The following POU2F3 variants were observed in gnomAD, a reference collection of about 807,000 sequenced individuals.
POU2F3 encodes POU class 2 homeobox 3, also known as POU domain, class 2, transcription factor 3.
Under a neutral mutation model 59.2 loss-of-function variants are expected in POU2F3, and 23 were observed. The observed-to-expected ratio is 0.39, with a 90% confidence interval of 0.28 to 0.55. The LOEUF is 0.55. POU2F3 is among the 20% of genes least tolerant of loss of function. The pLI is 0.66. For missense variants in POU2F3, 473 were observed against 544.5 expected (o/e 0.87, Z 1.31); for synonymous variants, 190 against 214.6 (o/e 0.89, Z 1.00).
At chr11:120,301,008 G>A in intron 5 of POU2F3, 1 of 455,698 alleles carries the variant, frequency 2.2e-6, no homozygotes, top group South Asian at 1.6e-5. Flanking sequence ...CTCCTGGAAT[G>A]GAAAAGGGAA....
At chr11:120,275,636 C>T (rs1410719460) in intron 3 of POU2F3, among the ~76,000 whole-genome samples, 1 of 152,130 alleles carries the variant, frequency 6.6e-6, no homozygotes, top group Non-Finnish European at 1.5e-5. Context: ...TCCCAAAAGT[C>T]CTGTGAGGCC....
At chr11:120,308,609 CT>C (rs1941563206) in intron 9 of POU2F3, among the ~76,000 whole-genome samples, 1 of 152,006 alleles carries the variant, frequency 6.6e-6, no homozygotes, top group Non-Finnish European at 1.5e-5. Flanking sequence ...TTTTAGCTTT[CT>C]CATTTTCTGC....
chr11:120,302,959 T>C (rs1941390087), intron 6 of POU2F3: 2 of 152,434 alleles, frequency 1.3e-5, no homozygotes, highest in Admixed American at 6.5e-5. Flanking sequence ...TGCAGTCTCA[T>C]GCCAAGGTGG....
At chr11:120,315,108 C>G (rs551150504) in intron 10 of POU2F3, among the ~76,000 whole-genome samples, 1 of 152,230 alleles carries the variant, frequency 6.6e-6, no homozygotes, top group Non-Finnish European at 1.5e-5. Context: ...TCAGGCAATA[C>G]ACATTGTCAG....
At chr11:120,305,247 G>A (rs1214754159) in intron 7 of POU2F3, 35 bp downstream of exon 7, 1 of 1,600,550 alleles carries the variant, frequency 6.2e-7, no homozygotes, top group Non-Finnish European at 8.5e-7. Flanking sequence ...AAGAAGTCTA[G>A]CCGAGCGGCT....
In POU2F3 at chr11:120,298,256, C is replaced by T; in HGVS notation, c.133-9C>T. 1 of 1,609,504 alleles carries T rather than the reference C, an allele frequency of 6.2e-7. No individual in the cohort carries two copies. Among genetic ancestry groups the T allele is most frequent in the Non-Finnish European group, 8.5e-7 (1 of 1,178,330 alleles). ...AGCACTGACGCTCTCCTCTTGCTTC[C>T]ACTTGCAGATTAAAACCGAAGATCT... On this transcript the variant is annotated splice_polypyrimidine_tract_variant and intron_variant, in intron 3 of 12. Coordinates refer to ENST00000543440, the MANE Select transcript of POU2F3 (RefSeq NM_014352.4).
intron 11 of POU2F3, among the ~76,000 whole-genome samples, chr11:120,316,154 G>A (rs980450471): frequency 7.2e-5 from 11 of 152,132 alleles, no homozygotes; most frequent in Non-Finnish European, 1.2e-4. Flanking sequence ...GATTACAGGC[G>A]TGAGCCACCG....
chr11:120,236,894 C>T (rs913829631), upstream of POU2F3, among the ~76,000 whole-genome samples: 1 of 152,204 alleles, frequency 6.6e-6, no homozygotes, highest in Non-Finnish European at 1.5e-5. Context: ...AGAGTAGAAA[C>T]GTCTCTGCTG....
At chr11:120,240,080 G>C (rs1289764937), upstream of POU2F3, 13 of 1,121,438 alleles carry the variant, frequency 1.2e-5, no homozygotes, top group Non-Finnish European at 1.3e-5. Flanking sequence ...GCCAGGCGCG[G>C]GGCTCCTGCC....
chr11:120,256,102 T>G (rs1364039172), intron 2 of POU2F3: 1 of 152,190 alleles, frequency 6.6e-6, no homozygotes, highest in Non-Finnish European at 1.5e-5. Flanking sequence ...AGCTCTGAGA[T>G]GCTGGGGTCT....
At chr11:120,245,049 C>G (rs1408096062) in intron 1 of POU2F3, among the ~76,000 whole-genome samples, 2 of 150,530 alleles carry the variant, frequency 1.3e-5, no homozygotes, top group Admixed American at 6.6e-5. Flanking sequence ...CCATAGAGCT[C>G]TAAGTGTTTA....
intron 3 of POU2F3, among the ~76,000 whole-genome samples, chr11:120,297,204 C>G (rs1254591657): frequency 6.6e-6 from 1 of 152,154 alleles, no homozygotes; most frequent in Non-Finnish European, 1.5e-5. Context: ...GGACACCCTC[C>G]CAAGGGACTT....
At chr11:120,246,706 C>G (rs919698748) in intron 2 of POU2F3, among the ~76,000 whole-genome samples, 189 bp downstream of exon 2, 3 of 152,160 alleles carry the variant, frequency 2.0e-5, no homozygotes, top group African/African-American at 7.2e-5. Flanking sequence ...GTAGATATTG[C>G]TCCACAGTGG....
chr11:120,239,510 G>C (rs2715890), upstream of POU2F3, among the ~76,000 whole-genome samples: 52,431 of 152,038 alleles, frequency 0.34, 12,015 homozygotes, highest in East Asian at 0.75. Context: ...GACCTGGGGC[G>C]GGAGACTGGA....
intron 2 of POU2F3, among the ~76,000 whole-genome samples, chr11:120,252,826 C>A (rs1174530653): frequency 6.6e-6 from 1 of 152,146 alleles, no homozygotes; most frequent in African/African-American, 2.4e-5. Context: ...TTCAGATGAG[C>A]CGTGAGGAGT....
rs185925330 is a variant in POU2F3 at position 120,309,589 on chromosome 11, G to A, written c.1068+3G>A. 0.022 allele frequency: 34,867 copies of A among 1,612,210 alleles called. 436 individuals are homozygous for A. The highest frequency in any genetic ancestry group is 0.025 in the Non-Finnish European group (29,719 of 1,178,398). On this transcript the variant is annotated splice_donor_region_variant and intron_variant, in intron 10 of 12. Transcript: ENST00000543440. ...CACCTGTCTACAACTCCCGGCTGGT[G>A]AGTGGCCAGGAACCAAGCTGTCTGC...
chr11:120,242,204 T>C (rs962187233), intron 1 of POU2F3, among the ~76,000 whole-genome samples: 8 of 152,206 alleles, frequency 5.3e-5, no homozygotes, highest in Non-Finnish European at 1.2e-4. Flanking sequence ...AGGGTTCCCC[T>C]TCAGTGGCAC....
chr11:120,307,473 C>T lies in POU2F3; in HGVS notation c.770-6C>T, dbSNP rs373606598. ...GAGCTTCCTCTGGTCCTTCGTGTCCCTGCAGAGTCCTCTCCGTCAGACCCC... is the reference window on the plus strand; with the variant it reads ...GAGCTTCCTCTGGTCCTTCGTGTCCTTGCAGAGTCCTCTCCGTCAGACCCC... On this transcript the variant is annotated splice_polypyrimidine_tract_variant and splice_region_variant and intron_variant, in intron 8 of 12. Transcript: ENST00000543440. The T allele has an allele frequency of 1.2e-4, 200 of 1,613,938 alleles. No individual in the cohort carries two copies. Among genetic ancestry groups the T allele is most frequent in the Admixed American group, 2.0e-4 (12 of 59,988 alleles).
Position 120,240,314 on chromosome 11 carries a change from G to T in POU2F3, c.-30G>T, listed in dbSNP as rs775815449. ...GGGGCAGAGGCGAGGGGCCTGGGGGGGCGCTGGCTTTGGCCCCGCCTGGGG... is the reference window on the plus strand; with the variant it reads ...GGGGCAGAGGCGAGGGGCCTGGGGGTGCGCTGGCTTTGGCCCCGCCTGGGG... On this transcript the variant is annotated 5_prime_UTR_variant, in exon 1 of 13. Transcript: ENST00000543440. The T allele has an allele frequency of 7.3e-7, 1 of 1,365,718 alleles. No homozygotes were observed. The highest frequency in any genetic ancestry group is 2.1e-5 in the South Asian group (1 of 47,084). The allele number at this position is 1,365,718 out of a possible 1,614,324, so 84.6% of individuals were successfully genotyped here.
Sources: gnomAD v4.1 joint callset for allele counts (sites outside exome capture counted in the v4.1 genomes callset) on GRCh38, gnomAD v4.1.1 for gene constraint, MANE v1.5 for transcripts, NCBI Gene and HGNC (gene_info 2026-07-23, HGNC 2026-07-21) for gene names.